BLM: variants seen among roughly 807,000 people sequenced by gnomAD.
BLM encodes the protein BLM RecQ like helicase.
In BLM, 95 loss-of-function variants were observed where a neutral mutation model predicts 135.3. The observed-to-expected ratio is 0.70, with a 90% CI of 0.59 to 0.83. The LOEUF is 0.83. BLM is among the 40% of genes least tolerant of loss of function. The pLI is 0.00. For missense variants in BLM, 1,518 were observed against 1,663.9 expected, an observed-to-expected ratio of 0.91 and a Z score of 1.53; for synonymous variants, 520 against 589.2, an observed-to-expected ratio of 0.88 and a Z score of 1.70.
chr15:90,809,697 G>A (rs2270131), intron 20 of BLM, among the ~76,000 whole-genome samples: 23,463 of 152,160 alleles, frequency 0.15, 1,919 homozygotes, highest in Non-Finnish European at 0.19. Context: ...TAAATGTTTT[G>A]GAGAAATGAG....
intron 12 of BLM, among the ~76,000 whole-genome samples, chr15:90,774,720 GC>G (rs1188526057): frequency 6.6e-6 from 1 of 150,646 alleles, no homozygotes; most frequent in East Asian, 2.0e-4. Context: ...TATAGTCGCA[GC>G]TACTCGGGAG....
chr15:90,794,621 A>C (rs1896987693), intron 16 of BLM, among the ~76,000 whole-genome samples: 1 of 151,490 alleles, frequency 6.6e-6, no homozygotes, highest in Non-Finnish European at 1.5e-5. Flanking sequence ...ACTGATGATT[A>C]CAGAATATTT....
At chr15:90,726,553 C>A (rs916237258) in intron 1 of BLM, among the ~76,000 whole-genome samples, 5 of 152,216 alleles carry the variant, frequency 3.3e-5, no homozygotes, top group East Asian at 3.9e-4. Context: ...CAGGCATGAG[C>A]CACCACACCC....
chr15:90,762,959 T>C lies in BLM; in HGVS notation c.1883-7T>C, dbSNP rs1384842732. 2 of 1,612,392 alleles carry C rather than the reference T, an allele frequency of 1.2e-6. No individual in the cohort carries two copies. The highest frequency in any genetic ancestry group is 1.7e-6 in the Non-Finnish European group (2 of 1,179,152). On this transcript the variant is annotated splice_polypyrimidine_tract_variant and splice_region_variant and intron_variant, in intron 7 of 21. Coordinates refer to ENST00000355112, the MANE Select transcript of BLM (RefSeq NM_000057.4). ...CTGATTTTTCTTAACGTTGATTATT[T>C]TCCTAGACAAGTCAGCACAAAATTT... is the stretch of plus-strand genomic sequence containing the variant.
At chr15:90,765,699 G>A (rs1027539129) in intron 9 of BLM, among the ~76,000 whole-genome samples, 2 of 152,094 alleles carry the variant, frequency 1.3e-5, no homozygotes, top group Non-Finnish European at 2.9e-5. Context: ...GTACTGCCAG[G>A]TCGGCATAGT....
At chr15:90,742,312 C>T (rs1332105272) in intron 1 of BLM, among the ~76,000 whole-genome samples, 8 of 152,262 alleles carry the variant, frequency 5.3e-5, no homozygotes, top group South Asian at 2.1e-4. Context: ...TACAGAGCGA[C>T]GCTCTGTTTT....
At chr15:90,813,699 CT>C (rs1567068106) in intron 21 of BLM, among the ~76,000 whole-genome samples, 1 of 152,162 alleles carries the variant, frequency 6.6e-6, no homozygotes. Context: ...AGATGGGATT[CT>C]TTTTTAAGCC....
rs775758928 is a variant in BLM, at chr15:90,761,081, A to G, written c.1708A>G (p.Ile570Val). Residue 570 changes from isoleucine (I) to valine (V), a missense_variant, in exon 7 of 22, where the codon ATA (isoleucine) becomes GTA (valine). By Grantham distance (29) the Ile-to-Val change is conservative. Coordinates refer to ENST00000355112, the MANE Select transcript of BLM (RefSeq NM_000057.4). ...DFDDDDDWED[I>V]MHNLAASKSS... is the part of the protein sequence containing the mutation. ...TGATGATGATGATGACTGGGAAGAC[A>G]TAATGCATAATTTAGCAGCCAGCAA... The G allele has an allele frequency of 1.9e-6, 3 of 1,563,718 alleles. No homozygotes were observed. The highest frequency in any genetic ancestry group is 4.0e-5 in the Admixed American group (2 of 50,420).
chr15:90,791,785 T>C (rs1040460328), intron 15 of BLM, among the ~76,000 whole-genome samples: 1 of 152,016 alleles, frequency 6.6e-6, no homozygotes, highest in African/African-American at 2.4e-5. Flanking sequence ...ACTACAGGCA[T>C]GTGCTACCAT....
intron 12 of BLM, among the ~76,000 whole-genome samples, chr15:90,774,912 C>T (rs1329663756): frequency 2.0e-5 from 3 of 151,770 alleles, no homozygotes; most frequent in Non-Finnish European, 4.4e-5. Context: ...GGTGGCTTGA[C>T]GCCAGATCAT....
intron 16 of BLM, among the ~76,000 whole-genome samples, chr15:90,796,966 G>T (rs1003569047): frequency 2.0e-5 from 3 of 152,112 alleles, no homozygotes; most frequent in Admixed American, 6.6e-5. Flanking sequence ...AGGATGTGGT[G>T]GTCTGAGAAT....
chr15:90,771,669 G>A (rs1361950443), intron 12 of BLM, among the ~76,000 whole-genome samples: 1 of 141,722 alleles, frequency 7.1e-6, no homozygotes, highest in Non-Finnish European at 1.5e-5. Flanking sequence ...TCGAACTCCT[G>A]GGCTTAAACA....
intron 21 of BLM, among the ~76,000 whole-genome samples, chr15:90,813,344 T>TA (rs1897470458): frequency 6.6e-6 from 1 of 152,242 alleles, no homozygotes; most frequent in Non-Finnish European, 1.5e-5. Flanking sequence ...CTCACACTTG[T>TA]ACCCATTTCC....
In BLM at chr15:90,751,534, A is replaced by G. The variant is rs114559166; in HGVS notation, c.800-253A>G. Among the ~76,000 whole-genome samples the G allele has an allele frequency of 0.012, 1,786 of 152,366 alleles. 45 individuals carry two copies. Among genetic ancestry groups the G allele is most frequent in the African/African-American group, 0.041 (1,712 of 41,580 alleles). ...GCAAATACGTGTTTCGTAATTAACCAGAGACAGACATGAAAATCCCTAAGC... is the reference window on the plus strand; with the variant it reads ...GCAAATACGTGTTTCGTAATTAACCGGAGACAGACATGAAAATCCCTAAGC... On this transcript the variant is annotated intron_variant, in intron 3 of 21. Coordinates refer to ENST00000355112, the MANE Select transcript of BLM (RefSeq NM_000057.4).
At chr15:90,799,037 C>T (rs1468019110) in intron 17 of BLM, among the ~76,000 whole-genome samples, 2 of 117,344 alleles carry the variant, frequency 1.7e-5, no homozygotes, top group African/African-American at 5.9e-5. Context: ...TGGTGGTGGG[C>T]ACCTGTAATC....
At chr15:90,769,252 C>T in intron 11 of BLM, 21 bp downstream of exon 11, 1 of 1,576,440 alleles carries the variant, frequency 6.3e-7, no homozygotes, top group Non-Finnish European at 8.7e-7. Flanking sequence ...TTTTTTATAT[C>T]CGGAAATACC....
rs1249086421 is a variant in BLM at position 90,749,398 on chromosome 15, G to T, written c.130G>T (p.Asp44Tyr). The T allele has an allele frequency of 1.9e-6, 3 of 1,606,920 alleles. No individual in the cohort carries two copies. In the South Asian group the frequency reaches 3.3e-5, roughly 18 times the overall value. ...CACTTTTAAAAAGAAAACATCTTCA[G>T]ATAACAATGTATCTGTAACTAATGT... is the stretch of plus-strand genomic sequence containing the variant. ...GFTFKKKTSS[D>Y]NNVSVTNVSV... Residue 44 changes from aspartate to tyrosine, a missense_variant, in exon 3 of 22, where the codon GAT (aspartate) becomes TAT (tyrosine). Asp to Tyr is a radical substitution (Grantham distance 160). Coordinates refer to ENST00000355112, the MANE Select transcript of BLM (RefSeq NM_000057.4).
chr15:90,751,394 T>G (rs901946730), intron 3 of BLM, among the ~76,000 whole-genome samples: 2 of 152,218 alleles, frequency 1.3e-5, no homozygotes, highest in African/African-American at 4.8e-5. Context: ...CTGGGAAACT[T>G]TGTGTTAAAG....
rs573691594 is a variant in BLM at position 90,813,080 on chromosome 15, C to A, written c.4076+1674C>A. The stretch of plus-strand genomic sequence containing the variant: ...TGGGGAGGGCTTATCGGAGGACAAC[C>A]CTGCCTGGTCTCGATTTCAAAGGTA... On this transcript the variant is annotated intron_variant, in intron 21 of 21. Transcript: ENST00000355112. 6.6e-5 allele frequency among the ~76,000 whole-genome samples: 10 copies of A among 152,264 alleles called. No homozygotes were observed. The East Asian group carries it at 1.9e-3, about 29-fold the overall frequency.
Sources: allele counts gnomAD v4.1 joint callset (sites outside exome capture counted in the v4.1 genomes callset), GRCh38; gene constraint gnomAD v4.1.1; transcripts MANE v1.5; gene names NCBI Gene and HGNC (gene_info 2026-07-23, HGNC 2026-07-21).